Variants in MEF2C observed in about 807,000 individuals in gnomAD.
The protein encoded by MEF2C is myocyte enhancer factor 2C, also known as myocyte-specific enhancer factor 2C.
A neutral mutation model predicts 50.5 loss-of-function variants in MEF2C; 6 were observed. The observed-to-expected ratio is 0.12, with a 90% CI of 0.07 to 0.23. The LOEUF is 0.23. MEF2C is among the 10% of genes least tolerant of loss of function. MEF2C has a pLI of 1.00. For synonymous variants in MEF2C, 183 were observed against 228.0 expected (o/e 0.80, Z 1.78); for missense variants, 276 against 605.0 (o/e 0.46, Z 5.70).
At chr5:88,831,978 C>A (rs1360255107) in intron 1 of MEF2C, among the ~76,000 whole-genome samples, 1 of 152,084 alleles carries the variant, frequency 6.6e-6, no homozygotes, top group Non-Finnish European at 1.5e-5. Context: ...AGTCAAGTGC[C>A]AAGTTCTCTG....
chr5:88,844,708 T>A, intron 1 of MEF2C: 2 of 392,964 alleles, frequency 5.1e-6, no homozygotes, highest in Non-Finnish European at 6.9e-6. Context: ...ACAACTCTTT[T>A]CCTCATGGTT....
chr5:88,835,577 C>T (rs917216858), intron 1 of MEF2C, among the ~76,000 whole-genome samples: 3 of 151,964 alleles, frequency 2.0e-5, no homozygotes, highest in Non-Finnish European at 4.4e-5. Context: ...TTTGAGAGGC[C>T]GAGGCATGTG....
At chr5:88,864,963 T>TC (rs1425988807) in intron 1 of MEF2C, among the ~76,000 whole-genome samples, 10 of 151,976 alleles carry the variant, frequency 6.6e-5, no homozygotes, top group Admixed American at 5.9e-4. Context: ...AGACGGGGTT[T>TC]CTCCAGGTTG....
chr5:88,849,909 A>T (rs1820667494), intron 1 of MEF2C, among the ~76,000 whole-genome samples: 1 of 152,218 alleles, frequency 6.6e-6, no homozygotes, highest in Non-Finnish European at 1.5e-5. Flanking sequence ...GGCAAAAACC[A>T]AAAATCCTTC....
chr5:88,858,255 G>C (rs1824186752), intron 1 of MEF2C, among the ~76,000 whole-genome samples: 1 of 152,022 alleles, frequency 6.6e-6, no homozygotes, highest in Non-Finnish European at 1.5e-5. Flanking sequence ...CTACATTCAA[G>C]CCTCACCAAT....
chr5:88,883,858 C>G (rs1388036971), upstream of MEF2C: 1 of 152,244 alleles, frequency 6.6e-6, no homozygotes, highest in Admixed American at 6.5e-5. Flanking sequence ...AATTACTCCA[C>G]TACACTACTT....
intron 1 of MEF2C, chr5:88,843,524 C>T (rs1818189906): frequency 1.0e-6 from 1 of 958,220 alleles, no homozygotes; most frequent in Non-Finnish European, 1.2e-6. Flanking sequence ...GTCTGAAATT[C>T]AAGTTTTATA....
intron 3 of MEF2C, among the ~76,000 whole-genome samples, chr5:88,795,019 A>T (rs1322140479): frequency 6.6e-6 from 1 of 152,198 alleles, no homozygotes; most frequent in East Asian, 1.9e-4. Flanking sequence ...TTTTGGTACC[A>T]GTATTATGCT....
chr5:88,874,919 AAAG>A (rs1830615868), intron 1 of MEF2C, among the ~76,000 whole-genome samples: 1 of 152,112 alleles, frequency 6.6e-6, no homozygotes. Context: ...ATACATTTCT[AAAG>A]AAGAAGGCTA....
chr5:88,774,286 A>G (rs1783755520), intron 3 of MEF2C, among the ~76,000 whole-genome samples: 1 of 152,210 alleles, frequency 6.6e-6, no homozygotes, highest in Non-Finnish European at 1.5e-5. Flanking sequence ...TCACAGCAGT[A>G]AACTTAAAAT....
intron 4 of MEF2C, chr5:88,752,659 C>T (rs372322782): frequency 1.0e-6 from 1 of 985,230 alleles, no homozygotes. Flanking sequence ...AAACACTATG[C>T]TTCATATTTT....
intron 8 of MEF2C, chr5:88,729,651 C>T (rs1020294416): frequency 9.6e-6 from 3 of 312,684 alleles, no homozygotes; most frequent in African/African-American, 4.4e-5. Context: ...GTATACTGTA[C>T]TTCCATTGTT....
chr5:88,763,661 T>C (rs1335103145), intron 3 of MEF2C, among the ~76,000 whole-genome samples: 2 of 151,910 alleles, frequency 1.3e-5, no homozygotes, highest in African/African-American at 4.8e-5. Context: ...TCTTTCTTTT[T>C]TTTTTTTTTG....
At chr5:88,798,445 G>C (rs1214756214) in intron 3 of MEF2C, among the ~76,000 whole-genome samples, 2 of 151,600 alleles carry the variant, frequency 1.3e-5, no homozygotes, top group Non-Finnish European at 2.9e-5. Context: ...ATTGATACTC[G>C]TGTATGCTTA....
chr5:88,866,863 A>C (rs1827557884), intron 1 of MEF2C, among the ~76,000 whole-genome samples: 1 of 152,194 alleles, frequency 6.6e-6, no homozygotes, highest in Non-Finnish European at 1.5e-5. Context: ...AATCCATTTA[A>C]TATTCATTTA....
Position 88,756,169 on chromosome 5 carries a change from A to T in MEF2C, c.403-4126T>A, listed in dbSNP as rs190112174. ...TACCTATAATAATTTTTTAAAATTT[A>T]ATTTTATTTTAGATACATGTGCATG... is the stretch of plus-strand genomic sequence containing the variant. On this transcript the variant is annotated intron_variant, in intron 4 of 10. Coordinates refer to ENST00000504921, the MANE Select transcript of MEF2C (RefSeq NM_002397.5). Among the ~76,000 whole-genome samples the T allele has an allele frequency of 3.7e-4, 57 of 152,292 alleles. 1 individual carries two copies. The highest frequency in any genetic ancestry group is 6.3e-4 in the Non-Finnish European group (43 of 68,008).
intron 1 of MEF2C, chr5:88,844,661 A>G: frequency 1.4e-6 from 1 of 699,496 alleles, no homozygotes; most frequent in Middle Eastern, 7.1e-4. Context: ...TTCAAATTAT[A>G]TTTCTTAATG....
chr5:88,778,265 T>A (rs1785913401), intron 3 of MEF2C, among the ~76,000 whole-genome samples: 1 of 152,138 alleles, frequency 6.6e-6, no homozygotes, highest in South Asian at 2.1e-4. Context: ...TTCCCAATAA[T>A]ATACAGACTG....
intron 1 of MEF2C, among the ~76,000 whole-genome samples, chr5:88,847,779 C>A (rs1267470145): frequency 6.6e-6 from 1 of 152,028 alleles, no homozygotes; most frequent in Non-Finnish European, 1.5e-5. Context: ...GAATCTGGTA[C>A]ATAAAATTAG....
Sources: allele counts gnomAD v4.1 joint callset (sites outside exome capture counted in the v4.1 genomes callset), GRCh38; gene constraint gnomAD v4.1.1; transcripts MANE v1.5; gene names NCBI Gene and HGNC (gene_info 2026-07-23, HGNC 2026-07-21).